The following PCDH11X variants were observed in gnomAD, a reference collection of about 807,000 sequenced individuals.
The protein encoded by PCDH11X is protocadherin 11 X-linked, also known as protocadherin-11 X-linked.
In PCDH11X, 18 loss-of-function variants were observed where a neutral mutation model predicts 53.3. The observed-to-expected ratio is 0.34, with a 90% CI of 0.23 to 0.50. PCDH11X has a LOEUF of 0.50. Among genes scored for constraint, PCDH11X ranks in the 20% least tolerant of loss-of-function variants. The probability of loss-of-function intolerance (pLI) is 0.98; values close to 1 mark genes in which losing one functional copy is unlikely to be tolerated. For missense variants in PCDH11X, 570 were observed against 1,032.4 expected (o/e 0.55, Z 6.14); for synonymous variants, 279 against 393.3 (o/e 0.71, Z 3.44).
intron 8 of PCDH11X, among the ~76,000 whole-genome samples, chrX:92,382,877 A>G (rs1049090207): frequency 9.4e-6 from 1 of 106,070 alleles, no homozygotes; most frequent in Admixed American, 1.0e-4. Context: ...GTCATGAACA[A>G]ATTATGACAT....
intron 10 of PCDH11X, among the ~76,000 whole-genome samples, chrX:92,578,033 G>T (rs1569506531): frequency 2.8e-5 from 3 of 106,517 alleles, no homozygotes; most frequent in African/African-American, 1.0e-4. Flanking sequence ...GAGCTCTGTA[G>T]ATATTTATCA....
intron 10 of PCDH11X, among the ~76,000 whole-genome samples, chrX:92,512,551 C>G: frequency 9.0e-6 from 1 of 111,282 alleles, no homozygotes; most frequent in Non-Finnish European, 1.9e-5. Context: ...GAGGAAATTA[C>G]TAGAAGGATA....
intron 6 of PCDH11X, among the ~76,000 whole-genome samples, chrX:92,054,791 G>A (rs1424920285): frequency 3.5e-5 from 3 of 86,614 alleles, no homozygotes; most frequent in African/African-American, 1.4e-4. Flanking sequence ...TTGCACTCCA[G>A]CCTGGGCAAC....
At chrX:92,390,173 A>G (rs2071095731) in intron 9 of PCDH11X, among the ~76,000 whole-genome samples, 1 of 110,561 alleles carries the variant, frequency 9.0e-6, no homozygotes, top group South Asian at 3.8e-4. Flanking sequence ...TTTTTTTACT[A>G]TGAATAATAC....
intron 6 of PCDH11X, among the ~76,000 whole-genome samples, chrX:92,142,822 T>C (rs1043462132): frequency 9.1e-6 from 1 of 109,444 alleles, no homozygotes; most frequent in African/African-American, 3.4e-5. Flanking sequence ...CTAATCTTTA[T>C]TGAAAATTTT....
At chrX:92,296,097 T>C (rs1481512119) in intron 8 of PCDH11X, among the ~76,000 whole-genome samples, 2 of 104,194 alleles carry the variant, frequency 1.9e-5, no homozygotes, top group African/African-American at 7.3e-5. Context: ...AAAAAAAAAA[T>C]CATGTGCATT....
intron 6 of PCDH11X, among the ~76,000 whole-genome samples, chrX:91,971,719 C>T (rs756088796): frequency 1.5e-4 from 17 of 111,886 alleles, no homozygotes; most frequent in African/African-American, 3.9e-4. Flanking sequence ...CAGACAAACC[C>T]ATAATATTTC....
rs778170976 is a variant in PCDH11X at position 91,918,451 on chromosome X, CAG to C, written c.3033+39179_3033+39180del. Among the ~76,000 whole-genome samples the C allele has an allele frequency of 3.1e-3, 338 of 108,891 alleles. 2 individuals are homozygous for C. Among genetic ancestry groups the C allele is most frequent in the African/African-American group, 0.011 (327 of 30,134 alleles). 94.6% of individuals were successfully genotyped at this position (108,891 alleles called of 115,157 possible). On this transcript the variant is annotated intron_variant, in intron 6 of 10. Transcript: ENST00000682573. ...TATATTAAGTAGAATTTTTCCAACACAGTGTATATGTGCTAAACCTCTAGGAA... is the reference window on the plus strand; with the variant it reads ...TATATTAAGTAGAATTTTTCCAACACTGTATATGTGCTAAACCTCTAGGAA...
chrX:92,227,004 A>C (rs2066983991), intron 7 of PCDH11X, among the ~76,000 whole-genome samples: 1 of 111,789 alleles, frequency 8.9e-6, no homozygotes, highest in African/African-American at 3.3e-5. Context: ...CTGTGATTAT[A>C]ATTTCAGGGC....
intron 10 of PCDH11X, among the ~76,000 whole-genome samples, chrX:92,550,108 G>A (rs878957512): frequency 1.8e-5 from 2 of 110,467 alleles, no homozygotes; most frequent in Admixed American, 9.7e-5. Flanking sequence ...TTCTCCCTAC[G>A]CTTTGTAGCT....
At chrX:92,470,749 A>G (rs780693802) in intron 10 of PCDH11X, among the ~76,000 whole-genome samples, 2 of 110,969 alleles carry the variant, frequency 1.8e-5, no homozygotes, top group South Asian at 7.6e-4. Flanking sequence ...GATGAATCAC[A>G]TAGATTGATT....
chrX:91,875,451 T>A (rs1939553897), intron 5 of PCDH11X, among the ~76,000 whole-genome samples: 2 of 104,318 alleles, frequency 1.9e-5, no homozygotes, highest in Admixed American at 2.1e-4. Flanking sequence ...CCAGGCTAAT[T>A]TTTTTTTTTT....
chrX:92,364,764 A>G (rs2070424604), intron 8 of PCDH11X, among the ~76,000 whole-genome samples: 1 of 103,304 alleles, frequency 9.7e-6, no homozygotes, highest in Non-Finnish European at 2.0e-5. Context: ...TTTGCTGGGC[A>G]CAGTGGTGGG....
intron 10 of PCDH11X, among the ~76,000 whole-genome samples, chrX:92,583,977 T>C (rs1439319876): frequency 9.2e-6 from 1 of 109,089 alleles, no homozygotes; most frequent in African/African-American, 3.3e-5. Context: ...ATATAAATAA[T>C]AAGCTATCTT....
At chrX:91,790,441 A>G (rs1935494894) in intron 1 of PCDH11X, among the ~76,000 whole-genome samples, 1 of 112,518 alleles carries the variant, frequency 8.9e-6, no homozygotes, top group African/African-American at 3.2e-5. Context: ...AAAATATCAG[A>G]ATTGAACATA....
At chrX:91,840,132 T>G (rs1937470529) in intron 5 of PCDH11X, among the ~76,000 whole-genome samples, 1 of 111,347 alleles carries the variant, frequency 9.0e-6, no homozygotes, top group Admixed American at 9.6e-5. Flanking sequence ...AATATGTATA[T>G]AAACCACAGG....
chrX:91,829,766 G>A (rs997980901), intron 4 of PCDH11X, among the ~76,000 whole-genome samples: 71 of 111,111 alleles, frequency 6.4e-4, no homozygotes, highest in African/African-American at 2.3e-3. Flanking sequence ...ATAAAGCAAT[G>A]CCTACAGATA....
chrX:92,492,493 A>C (rs2073783445), intron 10 of PCDH11X, among the ~76,000 whole-genome samples: 1 of 112,150 alleles, frequency 8.9e-6, no homozygotes, highest in Non-Finnish European at 1.9e-5. Flanking sequence ...TAATCATTTT[A>C]TTTTGTTCTC....
At position 92,506,216 on chromosome X, in the gene PCDH11X, C is replaced by CTTTTT. The variant is rs1180678297; in HGVS notation, c.3367+37912_3367+37916dup. 8.0e-3 allele frequency among the ~76,000 whole-genome samples: 320 copies of CTTTTT among 40,138 alleles called. 2 individuals carry two copies. Among genetic ancestry groups the CTTTTT allele is most frequent in the Middle Eastern group, 0.026 (1 of 38 alleles). 34.9% of individuals were successfully genotyped at this position (40,138 alleles called of 115,157 possible). A position where few individuals can be genotyped will look rare whatever the true frequency, so the allele number is the denominator to read the frequency against. ...ATTTGGATACATTTTCTTTTCTTTTCTTTTTTTTTTTTTTTTTTTTTTGCC... is the reference window on the plus strand; with the variant it reads ...ATTTGGATACATTTTCTTTTCTTTTCTTTTTTTTTTTTTTTTTTTTTTTTTTTGCC... On this transcript the variant is annotated intron_variant, in intron 10 of 10. Coordinates refer to ENST00000682573, the MANE Select transcript of PCDH11X (RefSeq NM_032968.5).
Sources: gnomAD v4.1 joint callset for allele counts (sites outside exome capture counted in the v4.1 genomes callset) on GRCh38, gnomAD v4.1.1 for gene constraint, MANE v1.5 for transcripts, NCBI Gene and HGNC (gene_info 2026-07-23, HGNC 2026-07-21) for gene names.